Variants in ZFAND3 observed in about 807,000 individuals in gnomAD.
The protein encoded by ZFAND3 is AN1-type zinc finger protein 3.
In ZFAND3, 10 loss-of-function variants were observed where a neutral mutation model predicts 29.6. The observed-to-expected ratio is 0.34, with a 90% CI of 0.21 to 0.57. ZFAND3 has a LOEUF of 0.57. ZFAND3 is among the 20% of genes least tolerant of loss of function. ZFAND3 has a pLI of 0.86. For synonymous variants in ZFAND3, 128 were observed against 112.6 expected (o/e 1.14, Z -0.87); for missense variants, 230 against 304.5 (o/e 0.76, Z 1.82).
rs1561922411 is a variant in ZFAND3 at position 37,886,280 on chromosome 6, A to AAAAAAAAAAAAAAAC, written c.72-43678_72-43677insAAAAAAAAAAAAACA. Among the ~76,000 whole-genome samples the AAAAAAAAAAAAAAAC allele has an allele frequency of 8.5e-5, 11 of 128,932 alleles. 1 individual carries two copies. Among genetic ancestry groups the AAAAAAAAAAAAAAAC allele is most frequent in the African/African-American group, 3.3e-4 (11 of 33,040 alleles). The allele number at this position is 128,932 out of a possible 152,430, so 84.6% of individuals were successfully genotyped here. On this transcript the variant is annotated intron_variant, in intron 1 of 5. Transcript: ENST00000287218. Reference sequence around the variant, plus strand: ...AAAAAAAAAAAAAAAAAAAAAAAAAAAGTTCAAAGAATATGCTGTTACTCA... The same window carrying AAAAAAAAAAAAAAAC: ...AAAAAAAAAAAAAAAAAAAAAAAAAAAAAAAAAAAAAAAACAGTTCAAAGAATATGCTGTTACTCA...
At chr6:38,023,335 G>A (rs1300743616) in intron 2 of ZFAND3, among the ~76,000 whole-genome samples, 1 of 152,132 alleles carries the variant, frequency 6.6e-6, no homozygotes, top group Non-Finnish European at 1.5e-5. Flanking sequence ...ATTCCCAACA[G>A]CTTAGCATGA....
At chr6:37,843,404 T>C (rs1764115552) in intron 1 of ZFAND3, among the ~76,000 whole-genome samples, 1 of 151,860 alleles carries the variant, frequency 6.6e-6, no homozygotes, top group Admixed American at 6.6e-5. Flanking sequence ...GGAGAATGGC[T>C]TGAACCCGGG....
intron 2 of ZFAND3, among the ~76,000 whole-genome samples, chr6:37,979,810 C>G (rs1236198490): frequency 6.6e-6 from 1 of 152,214 alleles, no homozygotes; most frequent in African/African-American, 2.4e-5. Context: ...TCTGTGAACT[C>G]TAGCTGCTTT....
At position 38,081,819 on chromosome 6, in the gene ZFAND3, C is replaced by T. The variant is rs188559857; in HGVS notation, c.296-573C>T. 2.6e-5 allele frequency among the ~76,000 whole-genome samples: 4 copies of T among 152,140 alleles called. No individual in the cohort carries two copies. In the East Asian group the frequency reaches 7.7e-4, roughly 29 times the overall value. ...CACCAAGATTCCATAAAGGGCCTCT[C>T]GATATCATATTTCTTATAATGAAAC... On this transcript the variant is annotated intron_variant, in intron 3 of 5. Transcript: ENST00000287218.
At chr6:37,902,999 T>C (rs1188113038) in intron 1 of ZFAND3, among the ~76,000 whole-genome samples, 1 of 152,146 alleles carries the variant, frequency 6.6e-6, no homozygotes, top group Non-Finnish European at 1.5e-5. Flanking sequence ...GCTGGAAAAT[T>C]GGCAAAGCAT....
intron 3 of ZFAND3, among the ~76,000 whole-genome samples, chr6:38,082,037 G>A (rs1018841422): frequency 6.6e-6 from 1 of 152,028 alleles, no homozygotes; most frequent in African/African-American, 2.4e-5. Context: ...TCGTTCTGTG[G>A]AAGATTGCAT....
intron 3 of ZFAND3, among the ~76,000 whole-genome samples, chr6:38,062,152 T>C (rs188435285): frequency 7.9e-5 from 12 of 152,288 alleles, no homozygotes; most frequent in African/African-American, 2.9e-4. Context: ...ATTTCTAATA[T>C]GCAGCAAGGG....
intron 5 of ZFAND3, among the ~76,000 whole-genome samples, chr6:38,143,946 T>G (rs1352673078): frequency 6.6e-6 from 1 of 151,962 alleles, no homozygotes; most frequent in Non-Finnish European, 1.5e-5. Context: ...TGCATTTAGA[T>G]CCTTTAATAT....
At chr6:37,851,710 T>C (rs1764285338) in intron 1 of ZFAND3, among the ~76,000 whole-genome samples, 1 of 152,208 alleles carries the variant, frequency 6.6e-6, no homozygotes, top group Non-Finnish European at 1.5e-5. Context: ...GAAGTAAAGA[T>C]TTCTGTCCAA....
chr6:38,128,518 T>C (rs1562009945), intron 5 of ZFAND3, among the ~76,000 whole-genome samples: 1 of 152,142 alleles, frequency 6.6e-6, no homozygotes. Flanking sequence ...CCAAAGTCGT[T>C]GTGTCATTCC....
chr6:37,835,663 C>T (rs931877324), intron 1 of ZFAND3, among the ~76,000 whole-genome samples: 10 of 152,094 alleles, frequency 6.6e-5, no homozygotes, highest in African/African-American at 2.4e-4. Context: ...TAGTCCCTTA[C>T]TGGGAGACCA....
intron 2 of ZFAND3, among the ~76,000 whole-genome samples, chr6:37,977,323 A>T (rs1374187137): frequency 6.6e-6 from 1 of 152,086 alleles, no homozygotes; most frequent in Non-Finnish European, 1.5e-5. Context: ...TATTTTTGAG[A>T]CTGAGTCTCG....
chr6:37,847,166 C>T (rs756659174), intron 1 of ZFAND3, among the ~76,000 whole-genome samples: 9 of 152,200 alleles, frequency 5.9e-5, no homozygotes, highest in Middle Eastern at 3.4e-3. Context: ...TTATATCACC[C>T]GTTGGCAATA....
At chr6:37,822,265 T>G (rs993404211) in intron 1 of ZFAND3, among the ~76,000 whole-genome samples, 2 of 152,242 alleles carry the variant, frequency 1.3e-5, no homozygotes, top group African/African-American at 4.8e-5. Context: ...ATTTTCAGTC[T>G]GATACTTTTT....
intron 1 of ZFAND3, among the ~76,000 whole-genome samples, chr6:37,866,971 C>A (rs910734353): frequency 6.6e-6 from 1 of 152,156 alleles, no homozygotes; most frequent in Non-Finnish European, 1.5e-5. Flanking sequence ...GTGGAGAAGG[C>A]TTATTTTGTC....
At chr6:37,976,259 G>C (rs1167199040) in intron 2 of ZFAND3, among the ~76,000 whole-genome samples, 16 of 152,114 alleles carry the variant, frequency 1.1e-4, no homozygotes, top group Admixed American at 8.5e-4. Flanking sequence ...CTATAAAGAT[G>C]TATTAGTCCA....
intron 4 of ZFAND3, among the ~76,000 whole-genome samples, chr6:38,113,622 G>A (rs1765361364): frequency 6.6e-6 from 1 of 152,138 alleles, no homozygotes; most frequent in Admixed American, 6.5e-5. Flanking sequence ...CCATCAAAGT[G>A]GGTTGTTTGG....
intron 1 of ZFAND3, among the ~76,000 whole-genome samples, chr6:37,920,348 C>T (rs1761355377): frequency 6.7e-6 from 1 of 150,024 alleles, no homozygotes; most frequent in Admixed American, 6.6e-5. Flanking sequence ...GGCTTTCATT[C>T]ATATATTTTA....
At chr6:38,094,415 C>T (rs1009294837) in intron 4 of ZFAND3, among the ~76,000 whole-genome samples, 1 of 151,870 alleles carries the variant, frequency 6.6e-6, no homozygotes, top group African/African-American at 2.4e-5. Flanking sequence ...TATGGTAACA[C>T]ACCATATCAC....
Sources: gnomAD v4.1 joint callset for allele counts (sites outside exome capture counted in the v4.1 genomes callset) on GRCh38, gnomAD v4.1.1 for gene constraint, MANE v1.5 for transcripts, NCBI Gene and HGNC (gene_info 2026-07-23, HGNC 2026-07-21) for gene names.